Variants in RER1 observed in about 807,000 individuals in gnomAD.
RER1 encodes retention in endoplasmic reticulum sorting receptor 1.
RER1 carries 6 observed loss-of-function variants against 28.3 expected under a neutral mutation model. The ratio of observed to expected loss-of-function variants is 0.21; its 90% CI spans 0.12 to 0.42. The LOEUF is 0.42. Among genes scored for constraint, RER1 ranks in the 10% least tolerant of loss-of-function variants. The pLI is 1.00. For missense variants in RER1, 159 were observed against 252.9 expected (o/e 0.63, Z 2.52); for synonymous variants, 110 against 95.9 (o/e 1.15, Z -0.86).
intron 3 of RER1, among the ~76,000 whole-genome samples, chr1:2,397,461 C>T (rs1010816159): frequency 6.6e-6 from 1 of 152,228 alleles, no homozygotes; most frequent in Non-Finnish European, 1.5e-5. Flanking sequence ...TGAGCCCAGC[C>T]TGGCCCTGCC....
chr1:2,395,881 T>G lies in RER1; in HGVS notation c.81+10T>G. 2 of 1,600,124 alleles carry G rather than the reference T, an allele frequency of 1.2e-6. No individual in the cohort carries two copies. The highest frequency in any genetic ancestry group is 1.7e-6 in the Non-Finnish European group (2 of 1,167,252). On this transcript the variant is annotated intron_variant, in intron 2 of 6. Coordinates refer to ENST00000605895, the MANE Select transcript of RER1 (RefSeq NM_007033.5). ...CACAAGACTTGGACAGGTTGGTGGG[T>G]TTTTTAGTAGATGAGTATAAATATT...
At position 2,405,212 on chromosome 1, in the gene RER1, G is replaced by A; in HGVS notation, c.*2088G>A. ...GGTTGGTTTCTCTCTGCCCCGTGTG[G>A]TCATCAAGTCCTGGGGGATGTGCTC... On this transcript the variant is annotated 3_prime_UTR_variant, in exon 7 of 7. Transcript: ENST00000605895. 4.8e-6 allele frequency: 1 copy of A among 208,556 alleles called. No homozygotes were observed. Among genetic ancestry groups the A allele is most frequent in the Non-Finnish European group, 9.8e-6 (1 of 101,656 alleles). 12.9% of individuals were successfully genotyped at this position (208,556 alleles called of 1,614,324 possible). A position where few individuals can be genotyped will look rare whatever the true frequency, so the allele number is the denominator to read the frequency against.
chr1:2,403,109 G>A lies in RER1; in HGVS notation c.576G>A (p.Lys192=). 1.2e-6 allele frequency: 2 copies of A among 1,614,064 alleles called. No homozygotes were observed. Among genetic ancestry groups the A allele is most frequent in the South Asian group, 1.1e-5 (1 of 91,088 alleles). The stretch of plus-strand genomic sequence containing the variant: ...ACAGAGGCAAGGAGGATGCCGGCAA[G>A]GCCTTCGCCAGCTAGAAGCGGGACT... ...RRYRGKEDAG[K]AFAS The change falls in exon 7 of 7, where the codon AAG becomes AAA. Residue 192 remains lysine, a synonymous_variant. Transcript: ENST00000605895.
rs979802511 is a variant in RER1, at chr1:2,391,869, G to C, written c.-97G>C. ...TGCTCGCTGCAGCTTCCCGGAGCCG[G>C]AGCGCAGCGCCTGCGGCCGCCCGTG... On this transcript the variant is annotated 5_prime_UTR_variant, in exon 1 of 7. Coordinates refer to ENST00000605895, the MANE Select transcript of RER1 (RefSeq NM_007033.5). The C allele has an allele frequency of 1.1e-5, 3 of 272,802 alleles. No homozygotes were observed. Among genetic ancestry groups the C allele is most frequent in the Non-Finnish European group, 2.0e-5 (3 of 147,296 alleles). The allele number at this position is 272,802 out of a possible 1,614,324, so 16.9% of individuals were successfully genotyped here. A position where few individuals can be genotyped will look rare whatever the true frequency, so the allele number is the denominator to read the frequency against.
At chr1:2,402,503 G>A (rs1170043182) in intron 6 of RER1, among the ~76,000 whole-genome samples, 161 bp downstream of exon 6, 4 of 44,932 alleles carry the variant, frequency 8.9e-5, no homozygotes, top group South Asian at 1.4e-3. Flanking sequence ...ACACTGCTCC[G>A]TTCCCAGCAC....
chr1:2,401,650 C>G (rs1224597945), intron 5 of RER1, among the ~76,000 whole-genome samples: 1 of 151,996 alleles, frequency 6.6e-6, no homozygotes, highest in African/African-American at 2.4e-5. Flanking sequence ...GATCAGTAAA[C>G]TGAAGGAGCC....
chr1:2,395,616 G>C, intron 1 of RER1, 168 bp from the exon 2 acceptor site: 1 of 618,660 alleles, frequency 1.6e-6, no homozygotes, highest in South Asian at 1.8e-5. Flanking sequence ...AGGGAAGCCT[G>C]TGTACCTGCT....
intron 3 of RER1, among the ~76,000 whole-genome samples, chr1:2,399,148 CAT>C (rs886700997): frequency 2.6e-5 from 4 of 152,242 alleles, no homozygotes; most frequent in South Asian, 2.1e-4. Flanking sequence ...TCAGGGATCA[CAT>C]GTGTCTAACT....
chr1:2,397,361 A>G (rs2100400807), intron 3 of RER1, 141 bp downstream of exon 3: 2 of 660,882 alleles, frequency 3.0e-6, no homozygotes, highest in Admixed American at 2.2e-5. Flanking sequence ...AAATGTCAGA[A>G]AGATCTCAGT....
chr1:2,398,789 C>T (rs1011913998), intron 3 of RER1, among the ~76,000 whole-genome samples: 4 of 152,228 alleles, frequency 2.6e-5, no homozygotes, highest in Non-Finnish European at 5.9e-5. Flanking sequence ...GTGTGCTGCA[C>T]TCAGGCATCT....
intron 5 of RER1, 73 bp from the exon 6 acceptor site, chr1:2,402,134 A>G (rs1272827120): frequency 1.9e-6 from 3 of 1,613,832 alleles, no homozygotes; most frequent in Non-Finnish European, 2.5e-6. Context: ...GTGCAGCTGC[A>G]AGGCTGGAGG....
chr1:2,400,826 T>C, intron 4 of RER1, 31 bp from the exon 5 acceptor site: 6 of 1,575,144 alleles, frequency 3.8e-6, no homozygotes, highest in Non-Finnish European at 5.2e-6. Flanking sequence ...TGAAAAGAGG[T>C]GCCCTCCCTG....
intron 1 of RER1, among the ~76,000 whole-genome samples, chr1:2,393,514 CCTGATCCAGGAACAGGGCTGGCA>C (rs1325976382): frequency 6.6e-6 from 1 of 152,142 alleles, no homozygotes; most frequent in Non-Finnish European, 1.5e-5. Context: ...GAGGGCTGGC[CCTGATCCAGGAACAGGGCTGGCA>C]CTGCCTTGCC....
In RER1 at chr1:2,405,414, C is replaced by G. The variant is rs115735911; in HGVS notation, c.*2290C>G. 6 of 420,128 alleles carry G rather than the reference C, an allele frequency of 1.4e-5. No homozygotes were observed. In the East Asian group the frequency reaches 2.6e-4, roughly 18 times the overall value. The allele number at this position is 420,128 out of a possible 1,614,324, so 26.0% of individuals were successfully genotyped here. On this transcript the variant is annotated 3_prime_UTR_variant, in exon 7 of 7. Coordinates refer to ENST00000605895, the MANE Select transcript of RER1 (RefSeq NM_007033.5). ...TGGGGCTGTTTTCTCACAATATAAACGAATAAAGTGTCTTCTGGCCTACTT... is the reference window on the plus strand; with the variant it reads ...TGGGGCTGTTTTCTCACAATATAAAGGAATAAAGTGTCTTCTGGCCTACTT...
At chr1:2,401,882 C>T (rs1642868026) in intron 5 of RER1, 18 of 722,556 alleles carry the variant, frequency 2.5e-5, no homozygotes, top group Non-Finnish European at 3.8e-5. Flanking sequence ...CAAGACACAG[C>T]CTGGGTTTCT....
rs980547078 is a variant in RER1, at chr1:2,404,062, G to A, written c.*938G>A. 3 of 152,206 alleles carry A rather than the reference G, an allele frequency of 2.0e-5. No individual in the cohort carries two copies. Among genetic ancestry groups the A allele is most frequent in the African/African-American group, 4.8e-5 (2 of 41,426 alleles). 9.4% of individuals were successfully genotyped at this position (152,206 alleles called of 1,614,324 possible). ...AGCCCACCTTTTGTTTGGCCTTTTC[G>A]AAAGGTGACCCATATTGCACAGCAG... On this transcript the variant is annotated 3_prime_UTR_variant, in exon 7 of 7. Transcript: ENST00000605895.
chr1:2,395,584 T>C, intron 1 of RER1, 200 bp from the exon 2 acceptor site: 1 of 572,512 alleles, frequency 1.7e-6, no homozygotes, highest in Non-Finnish European at 3.1e-6. Flanking sequence ...GGCCCATGCG[T>C]CTCACGCTGC....
rs540144400 is a variant in RER1, at chr1:2,399,502, A to G, written c.274A>G (p.Met92Val). 1.1e-5 allele frequency: 18 copies of G among 1,606,832 alleles called. No homozygotes were observed. Among genetic ancestry groups the G allele is most frequent in the South Asian group, 5.5e-5 (5 of 90,938 alleles). The change falls in exon 4 of 7, where the codon ATG (methionine) becomes GTG (valine). Residue 92 changes from methionine to valine, a missense_variant. Physicochemically the swap from Met to Val is conservative, Grantham distance 21. Coordinates refer to ENST00000605895, the MANE Select transcript of RER1 (RefSeq NM_007033.5). ...FLSPKVDPSL[M>V]EDSDDGPSLP... ...TTCTCCCAAAGTGGATCCTTCCTTA[A>G]TGGAAGACTCAGGTAGGGTAGCGGC...
In RER1 at chr1:2,403,892, C is replaced by G. The variant is rs548799121; in HGVS notation, c.*768C>G. On this transcript the variant is annotated 3_prime_UTR_variant, in exon 7 of 7. Coordinates refer to ENST00000605895, the MANE Select transcript of RER1 (RefSeq NM_007033.5). Reference sequence around the variant, plus strand: ...GGCTTTGTAGGTTCAGCACTCGGCCCCCCACTGCGGGAGAGGCGGAACCCA... The same window carrying G: ...GGCTTTGTAGGTTCAGCACTCGGCCGCCCACTGCGGGAGAGGCGGAACCCA... 7.2e-5 allele frequency: 11 copies of G among 152,560 alleles called. No homozygotes were observed. In the East Asian group the frequency reaches 2.1e-3, roughly 29 times the overall value. 9.5% of individuals were successfully genotyped at this position (152,560 alleles called of 1,614,324 possible).
Sources: gnomAD v4.1 joint callset for allele counts (sites outside exome capture counted in the v4.1 genomes callset) on GRCh38, gnomAD v4.1.1 for gene constraint, MANE v1.5 for transcripts, NCBI Gene and HGNC (gene_info 2026-07-23, HGNC 2026-07-21) for gene names.